Variants in ANKRD29 observed in about 807,000 individuals in gnomAD.
The protein encoded by ANKRD29 is ankyrin repeat domain 29, also known as ankyrin repeat domain-containing protein 29.
A neutral mutation model predicts 38.0 loss-of-function variants in ANKRD29; 32 were observed. The observed-to-expected ratio is 0.84, with a 90% CI of 0.64 to 1.13. The LOEUF (loss-of-function observed/expected upper bound fraction) is 1.13. Ranked by LOEUF, ANKRD29 falls within the 50% of genes most tolerant of loss-of-function variation. The pLI is 0.00. For synonymous variants in ANKRD29, 135 were observed against 152.4 expected (o/e 0.89, Z 0.84); for missense variants, 357 against 377.9 (o/e 0.94, Z 0.46).
intron 5 of ANKRD29, 143 bp downstream of exon 5, chr18:23,633,908 G>A (rs1004452343): frequency 1.0e-5 from 8 of 782,576 alleles, no homozygotes; most frequent in East Asian, 5.4e-5. Flanking sequence ...CATCTGGTCC[G>A]CTATATATTT....
chr18:23,655,524 A>G lies in ANKRD29; in HGVS notation c.22-6331T>C, dbSNP rs377552513. Among the ~76,000 whole-genome samples, 109 of 152,076 alleles carry G rather than the reference A, an allele frequency of 7.2e-4. 3 individuals carry two copies. In the South Asian group the frequency reaches 0.022, roughly 31 times the overall value. The stretch of plus-strand genomic sequence containing the variant: ...CAGTGGCGTGATCTCGACTCACTGC[A>G]AGCTCTGCCTCCCGGGTTCAAGCGA... On this transcript the variant is annotated intron_variant, in intron 1 of 9. Coordinates refer to ENST00000592179, the MANE Select transcript of ANKRD29 (RefSeq NM_173505.4).
Position 23,619,524 on chromosome 18 carries a change from C to T in ANKRD29, c.627+7G>A, listed in dbSNP as rs1362062316. The T allele has an allele frequency of 1.9e-6, 3 of 1,582,634 alleles. No homozygotes were observed. Among genetic ancestry groups the T allele is most frequent in the African/African-American group, 1.3e-5 (1 of 74,100 alleles). On this transcript the variant is annotated splice_region_variant and intron_variant, in intron 7 of 9. Coordinates refer to ENST00000592179, the MANE Select transcript of ANKRD29 (RefSeq NM_173505.4). ...TCGCTCTTTGGCCGCGCGACTCGGG[C>T]ACTCACGTTCCGCGCAGCGTCGCGG...
chr18:23,662,709 C>T lies in ANKRD29; in HGVS notation c.21+1G>A, dbSNP rs1177932951. 6.8e-7 allele frequency: 1 copy of T among 1,478,676 alleles called. No homozygotes were observed. The highest frequency in any genetic ancestry group is 8.9e-7 in the Non-Finnish European group (1 of 1,121,614). The allele number at this position is 1,478,676 out of a possible 1,614,324, so 91.6% of individuals were successfully genotyped here. The stretch of plus-strand genomic sequence containing the variant: ...CTGACCCCGGAGTCCCGGTCGCTCA[C>T]CTTGAAGGACATCCTGCACATGTCC... On this transcript the variant is annotated splice_donor_variant, in intron 1 of 9. Coordinates refer to ENST00000592179, the MANE Select transcript of ANKRD29 (RefSeq NM_173505.4). LOFTEE classifies it high-confidence loss of function.
At chr18:23,607,875 A>G (rs942747748) in intron 9 of ANKRD29, among the ~76,000 whole-genome samples, 1 of 152,192 alleles carries the variant, frequency 6.6e-6, no homozygotes, top group Admixed American at 6.5e-5. Flanking sequence ...TTGGGAACAT[A>G]AGACCCCTGC....
At chr18:23,636,981 C>G (rs1488339924) in intron 4 of ANKRD29, among the ~76,000 whole-genome samples, 1 of 152,226 alleles carries the variant, frequency 6.6e-6, no homozygotes, top group Non-Finnish European at 1.5e-5. Context: ...TCTCAGCCCT[C>G]TCTTCTTCCC....
chr18:23,602,289 G>A lies in ANKRD29; in HGVS notation c.823-980C>T, dbSNP rs963971221. 1.1e-4 allele frequency among the ~76,000 whole-genome samples: 17 copies of A among 152,108 alleles called. 1 individual carries two copies. Among genetic ancestry groups the A allele is most frequent in the Middle Eastern group, 3.4e-3 (1 of 292 alleles). On this transcript the variant is annotated intron_variant, in intron 9 of 9. Transcript: ENST00000592179. ...GACCTCAAGTGATCCGCCCGCCTCC[G>A]CCTCCCAAGGTGCTGGGATTACAGG...
chr18:23,646,128 T>C, intron 3 of ANKRD29, 61 bp downstream of exon 3: 1 of 1,481,182 alleles, frequency 6.8e-7, no homozygotes, highest in Non-Finnish European at 9.4e-7. Flanking sequence ...CAGTTCACTA[T>C]CATGAAAACT....
chr18:23,633,801 C>A (rs2059964230), intron 5 of ANKRD29, among the ~76,000 whole-genome samples: 1 of 152,068 alleles, frequency 6.6e-6, no homozygotes, highest in Non-Finnish European at 1.5e-5. Flanking sequence ...GAACTCCTGA[C>A]CTTGTGATCC....
In ANKRD29 at chr18:23,617,748, G is replaced by A; in HGVS notation, c.707C>T (p.Thr236Ile). 6.2e-7 allele frequency: 1 copy of A among 1,613,798 alleles called. No individual in the cohort carries two copies. Among genetic ancestry groups the A allele is most frequent in the Non-Finnish European group, 8.5e-7 (1 of 1,179,768 alleles). ...AGGTCTTACCTTCAAAATACCAAGA[G>A]TGGGTGAGAATTTAAGCAACTCTTT... is the stretch of plus-strand genomic sequence containing the variant. ...VIKELLKFSPTLGILKNGTSA... is the reference protein window; with the variant it reads ...VIKELLKFSPILGILKNGTSA... Residue 236 changes from threonine to isoleucine, a missense_variant, in exon 8 of 10, where the codon ACT becomes ATT. Transcript: ENST00000592179.
At chr18:23,659,030 G>A (rs886945573) in intron 1 of ANKRD29, among the ~76,000 whole-genome samples, 1 of 152,134 alleles carries the variant, frequency 6.6e-6, no homozygotes, top group Non-Finnish European at 1.5e-5. Context: ...CACCCAGGCT[G>A]GAATGCAGTG....
At chr18:23,645,499 T>C (rs922510959) in intron 3 of ANKRD29, among the ~76,000 whole-genome samples, 2 of 152,106 alleles carry the variant, frequency 1.3e-5, no homozygotes, top group East Asian at 1.9e-4. Flanking sequence ...CACTTGAACC[T>C]GGGAGGTGGA....
intron 8 of ANKRD29, 52 bp downstream of exon 8, chr18:23,617,680 T>C: frequency 6.6e-7 from 1 of 1,512,164 alleles, no homozygotes; most frequent in Non-Finnish European, 9.2e-7. Flanking sequence ...AGTGAGGACT[T>C]ACTTTCTAAC....
intron 1 of ANKRD29, among the ~76,000 whole-genome samples, chr18:23,658,287 A>G (rs1226799426): frequency 2.0e-5 from 3 of 152,214 alleles, no homozygotes; most frequent in African/African-American, 7.2e-5. Flanking sequence ...GCAAGCCTGT[A>G]GTCCCAGCTA....
chr18:23,639,731 T>C (rs994061730), intron 3 of ANKRD29, among the ~76,000 whole-genome samples: 2 of 152,156 alleles, frequency 1.3e-5, no homozygotes, highest in Non-Finnish European at 2.9e-5. Context: ...AAACAGGGTT[T>C]CACTATGTTG....
At chr18:23,622,839 T>C (rs1711466) in intron 6 of ANKRD29, among the ~76,000 whole-genome samples, 87,345 of 152,104 alleles carry the variant, frequency 0.57, 26,516 homozygotes, top group Admixed American at 0.7. Context: ...AGTGCTGGGA[T>C]TACAAGCATG....
intron 1 of ANKRD29, among the ~76,000 whole-genome samples, chr18:23,656,890 G>A (rs1016052029): frequency 1.7e-4 from 26 of 152,162 alleles, no homozygotes; most frequent in Admixed American, 1.2e-3. Flanking sequence ...CCATTTCACA[G>A]TAAATCAACT....
At chr18:23,630,033 C>T in intron 5 of ANKRD29, 82 bp from the exon 6 acceptor site, 2 of 1,163,936 alleles carry the variant, frequency 1.7e-6, no homozygotes, top group South Asian at 1.4e-5. Flanking sequence ...TGCAGTGGCT[C>T]ATGCCTGTAA....
At chr18:23,613,952 G>A (rs542179824) in intron 8 of ANKRD29, among the ~76,000 whole-genome samples, 3 of 152,046 alleles carry the variant, frequency 2.0e-5, no homozygotes, top group Admixed American at 2.0e-4. Flanking sequence ...GGCTGGTCTT[G>A]AACTCCTGAC....
chr18:23,645,565 C>G (rs1392226683), intron 3 of ANKRD29, among the ~76,000 whole-genome samples: 1 of 152,172 alleles, frequency 6.6e-6, no homozygotes, highest in Non-Finnish European at 1.5e-5. Flanking sequence ...CAGGGCGAGA[C>G]TCCATCTTAA....
Sources: gnomAD v4.1 joint callset for allele counts (sites outside exome capture counted in the v4.1 genomes callset) on GRCh38, gnomAD v4.1.1 for gene constraint, MANE v1.5 for transcripts, NCBI Gene and HGNC (gene_info 2026-07-23, HGNC 2026-07-21) for gene names.